The following PCDHGB5 variants were observed in gnomAD, a reference collection of about 807,000 sequenced individuals.
The protein encoded by PCDHGB5 is protocadherin gamma subfamily B, 5, also known as protocadherin gamma-B5.
A neutral mutation model predicts 62.9 loss-of-function variants in PCDHGB5; 48 were observed. The observed-to-expected ratio is 0.76, with a 90% CI of 0.61 to 0.97. The LOEUF is 0.97. Ranked by LOEUF, PCDHGB5 falls within the 50% of genes least tolerant of loss-of-function variation. PCDHGB5 has a pLI of 0.00. For synonymous variants in PCDHGB5, 474 were observed against 511.2 expected, an observed-to-expected ratio of 0.93 and a Z score of 0.98; for missense variants, 1,118 against 1,198.6, an observed-to-expected ratio of 0.93 and a Z score of 0.99.
Position 141,490,931 on chromosome 5 carries a change from T to C in PCDHGB5, c.2398-3876T>C. 1 of 1,613,780 alleles carries C rather than the reference T, an allele frequency of 6.2e-7. No individual in the cohort carries two copies. Among genetic ancestry groups the C allele is most frequent in the East Asian group, 2.2e-5 (1 of 44,872 alleles). ...GACGAGAATGATAATGCCCCAGCTG[T>C]GCTGCACCCACGGCCAGACTGGGAA... On this transcript the variant is annotated intron_variant, in intron 1 of 3. Transcript: ENST00000617380. This position sits in a 1 kb window ranked among gnomAD's most constrained non-coding sequence, Gnocchi z 5.4.
At chr5:141,447,136 TTTTTTG>T (rs1304915683) in intron 1 of PCDHGB5, among the ~76,000 whole-genome samples, 4 of 152,090 alleles carry the variant, frequency 2.6e-5, no homozygotes, top group Admixed American at 6.6e-5. Context: ...TGTTTGTTTG[TTTTTTG>T]TTTTTGTTTT....
intron 1 of PCDHGB5, among the ~76,000 whole-genome samples, chr5:141,436,221 G>C (rs1468526543): frequency 6.6e-6 from 1 of 152,004 alleles, no homozygotes; most frequent in African/African-American, 2.4e-5. Context: ...CAAATGACTT[G>C]GGAAACTAAG....
chr5:141,410,602 T>A, intron 1 of PCDHGB5: 4 of 1,607,792 alleles, frequency 2.5e-6, no homozygotes, highest in South Asian at 2.2e-5. Flanking sequence ...TGACTTCACA[T>A]CCTGAGACTC....
chr5:141,444,589 C>A (rs1198742574), intron 1 of PCDHGB5, among the ~76,000 whole-genome samples: 1 of 152,068 alleles, frequency 6.6e-6, no homozygotes, highest in Non-Finnish European at 1.5e-5. Context: ...TTTCTACTTA[C>A]CTTATTTAAA....
In PCDHGB5 at chr5:141,400,143, T is replaced by G; in HGVS notation, c.2016T>G (p.Thr672=). 1 of 1,614,104 alleles carries G rather than the reference T, an allele frequency of 6.2e-7. No homozygotes were observed. The highest frequency in any genetic ancestry group is 8.5e-7 in the Non-Finnish European group (1 of 1,179,910). ...TGCAGGAGGTGCTGCCGGATATCACTGACCGCCCTGTACCCTCTGACCCCC... is the reference window on the plus strand; with the variant it reads ...TGCAGGAGGTGCTGCCGGATATCACGGACCGCCCTGTACCCTCTGACCCCC... ...DSLQEVLPDI[T]DRPVPSDPQA... is the part of the protein sequence containing the mutation. Residue 672 remains threonine, a synonymous_variant, in exon 1 of 4, where the codon ACT becomes ACG. Coordinates refer to ENST00000617380, the MANE Select transcript of PCDHGB5 (RefSeq NM_018925.3).
At chr5:141,497,848 T>C (rs2099779951) in intron 2 of PCDHGB5, among the ~76,000 whole-genome samples, 1 of 152,178 alleles carries the variant, frequency 6.6e-6, no homozygotes, top group South Asian at 2.1e-4. Flanking sequence ...AACAAACATT[T>C]TTGATTCAGC....
At chr5:141,420,417 A>C (rs112493756) in intron 1 of PCDHGB5, 20 of 1,211,742 alleles carry the variant, frequency 1.7e-5, no homozygotes, top group Admixed American at 1.1e-4. Flanking sequence ...ATCATTATTA[A>C]AACAAAAGTT....
chr5:141,455,133 C>G (rs1172825339), intron 1 of PCDHGB5, among the ~76,000 whole-genome samples: 2 of 151,392 alleles, frequency 1.3e-5, no homozygotes, highest in African/African-American at 4.9e-5. Context: ...TTAAATTACA[C>G]TGTGTTAAAT....
At chr5:141,406,273 G>A (rs1366399912) in intron 1 of PCDHGB5, among the ~76,000 whole-genome samples, 2 of 151,898 alleles carry the variant, frequency 1.3e-5, no homozygotes, top group Non-Finnish European at 2.9e-5. Context: ...TCCTGCTTCA[G>A]TTTCCCAAAG....
At chr5:141,403,209 C>T (rs1247618991) in intron 1 of PCDHGB5, 2 of 1,613,982 alleles carry the variant, frequency 1.2e-6, no homozygotes, top group Admixed American at 1.7e-5. Context: ...ACCTTGGTCA[C>T]CGCGGGTAGG....
chr5:141,408,346 G>T (rs1248648378), intron 1 of PCDHGB5: 1 of 1,613,824 alleles, frequency 6.2e-7, no homozygotes, highest in African/African-American at 1.3e-5. Context: ...CGGTGGTGGG[G>T]AACCTCGCTA....
chr5:141,498,672 C>T (rs1034911993), intron 2 of PCDHGB5, among the ~76,000 whole-genome samples: 3 of 152,218 alleles, frequency 2.0e-5, no homozygotes, highest in South Asian at 4.1e-4. Context: ...TGGCTCACGC[C>T]TGTAATCCCA....
In PCDHGB5 at chr5:141,477,794, C is replaced by A. The variant is rs148942362; in HGVS notation, c.2398-17013C>A. On this transcript the variant is annotated intron_variant, in intron 1 of 3. Coordinates refer to ENST00000617380, the MANE Select transcript of PCDHGB5 (RefSeq NM_018925.3). This position sits in a 1 kb window ranked among gnomAD's most constrained non-coding sequence, Gnocchi z 4.9. ...CAGCGTGAACATATTTGTCACTGAT[C>A]GCAATGACAATGCCCCCCAGGTCCT... The A allele has an allele frequency of 5.6e-6, 9 of 1,614,086 alleles. No individual in the cohort carries two copies. Among genetic ancestry groups the A allele is most frequent in the Non-Finnish European group, 7.6e-6 (9 of 1,180,030 alleles).
chr5:141,485,497 T>C lies in PCDHGB5; in HGVS notation c.2398-9310T>C, dbSNP rs1594488328. On this transcript the variant is annotated intron_variant, in intron 1 of 3. Coordinates refer to ENST00000617380, the MANE Select transcript of PCDHGB5 (RefSeq NM_018925.3). The surrounding 1 kb of genome is among the most constrained non-coding windows in gnomAD (Gnocchi z 5.7). ...CCAGCTGCATCGTGCCCCTGGAGTT[T>C]GTCACCGAAGGTCCTTTGGAAATGT... 6.2e-7 allele frequency: 1 copy of C among 1,614,112 alleles called. No homozygotes were observed. The highest frequency in any genetic ancestry group is 1.3e-5 in the African/African-American group (1 of 74,998).
chr5:141,469,372 C>T (rs780872014), intron 1 of PCDHGB5, among the ~76,000 whole-genome samples: 2 of 151,990 alleles, frequency 1.3e-5, no homozygotes, highest in African/African-American at 2.4e-5. Context: ...GTAAAGAGAT[C>T]GAGACCATCC....
intron 1 of PCDHGB5, chr5:141,428,067 G>A (rs753358896): frequency 6.2e-7 from 1 of 1,609,228 alleles, no homozygotes; most frequent in South Asian, 1.1e-5. Flanking sequence ...GGTGGACGCA[G>A]ATTCGGGACA....
At chr5:141,510,404 G>T (rs1596286932) in intron 3 of PCDHGB5, among the ~76,000 whole-genome samples, 2 of 152,252 alleles carry the variant, frequency 1.3e-5, no homozygotes, top group East Asian at 3.9e-4. Context: ...AAAGGCTAGG[G>T]GCATGTAAAG....
chr5:141,491,662 A>C lies in PCDHGB5; in HGVS notation c.2398-3145A>C. 2 of 1,613,770 alleles carry C rather than the reference A, an allele frequency of 1.2e-6. No homozygotes were observed. The highest frequency in any genetic ancestry group is 1.7e-6 in the Non-Finnish European group (2 of 1,180,018). ...AGCTCTGGCGCTGGAGCCTGACGCC[A>C]TCCGGTCCCGCTCTAATACGCTGCG... On this transcript the variant is annotated intron_variant, in intron 1 of 3. Coordinates refer to ENST00000617380, the MANE Select transcript of PCDHGB5 (RefSeq NM_018925.3). This position sits in a 1 kb window ranked among gnomAD's most constrained non-coding sequence, Gnocchi z 6.9.
At chr5:141,501,423 A>C (rs1195105794) in intron 2 of PCDHGB5, among the ~76,000 whole-genome samples, 1 of 151,966 alleles carries the variant, frequency 6.6e-6, no homozygotes, top group Non-Finnish European at 1.5e-5. Flanking sequence ...AGTTGACTAA[A>C]TGTAGTCCAT....
Sources: gnomAD v4.1 joint callset for allele counts (sites outside exome capture counted in the v4.1 genomes callset) on GRCh38, gnomAD v4.1.1 for gene constraint, Gnocchi (gnomAD v3.1) non-coding constraint, MANE v1.5 for transcripts, NCBI Gene and HGNC (gene_info 2026-07-23, HGNC 2026-07-21) for gene names.